SNTB2: variants seen among roughly 807,000 people sequenced by gnomAD.
SNTB2 encodes the protein beta-2-syntrophin.
SNTB2 carries 34 observed loss-of-function variants against 46.2 expected under a neutral mutation model. The ratio of observed to expected loss-of-function variants is 0.74; its 90% CI spans 0.56 to 0.98. The LOEUF (loss-of-function observed/expected upper bound fraction) is 0.98. Among genes scored for constraint, SNTB2 ranks in the 50% least tolerant of loss-of-function variants. The probability of loss-of-function intolerance (pLI) is 0.00; values close to 1 mark genes in which losing one functional copy is unlikely to be tolerated. For synonymous variants in SNTB2, 290 were observed against 312.6 expected, an observed-to-expected ratio of 0.93 and a Z score of 0.76; for missense variants, 603 against 731.4, an observed-to-expected ratio of 0.82 and a Z score of 2.02.
chr16:69,308,889 A>T lies in SNTB2; in HGVS notation c.*7965A>T, dbSNP rs901722794. 6.6e-6 allele frequency: 1 copy of T among 152,506 alleles called. No homozygotes were observed. Among genetic ancestry groups the T allele is most frequent in the Non-Finnish European group, 1.5e-5 (1 of 68,026 alleles). The allele number at this position is 152,506 out of a possible 1,614,324, so 9.4% of individuals were successfully genotyped here. ...CCTAATTTTAAAAAGCTTTATGTATACTCTATAAATATAGATGCATAAACA... is the reference window on the plus strand; with the variant it reads ...CCTAATTTTAAAAAGCTTTATGTATTCTCTATAAATATAGATGCATAAACA... On this transcript the variant is annotated 3_prime_UTR_variant, in exon 7 of 7. Transcript: ENST00000336278.
chr16:69,209,444 G>A (rs1328956231), intron 1 of SNTB2, among the ~76,000 whole-genome samples: 2 of 152,054 alleles, frequency 1.3e-5, no homozygotes, highest in Non-Finnish European at 2.9e-5. Flanking sequence ...TTATATCATT[G>A]CTTCTCTCTG....
intron 4 of SNTB2, among the ~76,000 whole-genome samples, chr16:69,280,529 CGGGCGGGGGGCTCACA>C (rs1965030675): frequency 1.5e-5 from 2 of 137,598 alleles, no homozygotes; most frequent in African/African-American, 6.7e-5. Flanking sequence ...GGCGGCTGGC[CGGGCGGGGGGCTCACA>C]CCCCCACCTC....
chr16:69,283,812 G>A (rs1203527712), intron 4 of SNTB2, among the ~76,000 whole-genome samples: 2 of 152,088 alleles, frequency 1.3e-5, no homozygotes, highest in Non-Finnish European at 2.9e-5. Context: ...GAGGCAGGAG[G>A]ATTATTTGAG....
intron 5 of SNTB2, among the ~76,000 whole-genome samples, chr16:69,285,907 C>T (rs1484682262): frequency 6.6e-6 from 1 of 152,194 alleles, no homozygotes; most frequent in Non-Finnish European, 1.5e-5. Context: ...ATTCTCCCAC[C>T]TCAGCCTTCT....
chr16:69,297,153 A>C (rs1028031943), intron 5 of SNTB2, among the ~76,000 whole-genome samples: 2 of 151,478 alleles, frequency 1.3e-5, no homozygotes, highest in Non-Finnish European at 2.9e-5. Flanking sequence ...AAAAAATACA[A>C]AAAATTAGCT....
At chr16:69,279,693 T>G (rs1440037580) in intron 4 of SNTB2, among the ~76,000 whole-genome samples, 1 of 125,374 alleles carries the variant, frequency 8.0e-6, no homozygotes, top group Middle Eastern at 3.7e-3. Context: ...GCCCGGCTAA[T>G]TTTTTGTATT....
At chr16:69,255,587 A>T (rs1320319070) in intron 2 of SNTB2, among the ~76,000 whole-genome samples, 1 of 150,524 alleles carries the variant, frequency 6.6e-6, no homozygotes, top group African/African-American at 2.4e-5. Context: ...AGAAAGAAAA[A>T]TTTTTTGTTG....
intron 1 of SNTB2, chr16:69,240,602 C>T (rs764929328): frequency 1.3e-5 from 2 of 152,166 alleles, no homozygotes; most frequent in Non-Finnish European, 2.9e-5. Context: ...AATCCAGGAA[C>T]AAACTTGCTT....
chr16:69,280,493 G>A (rs1179687143), intron 4 of SNTB2, among the ~76,000 whole-genome samples: 6 of 147,728 alleles, frequency 4.1e-5, no homozygotes, highest in African/African-American at 1.3e-4. Context: ...GCGGGGGGCT[G>A]ACCCCCCCAC....
At chr16:69,246,179 A>G (rs1016729600) in intron 2 of SNTB2, among the ~76,000 whole-genome samples, 3 of 152,206 alleles carry the variant, frequency 2.0e-5, no homozygotes, top group African/African-American at 7.2e-5. Flanking sequence ...TCCATTCAGT[A>G]TGATATTGGC....
At chr16:69,235,894 T>C (rs760887170) in intron 1 of SNTB2, 1 of 1,268,726 alleles carries the variant, frequency 7.9e-7, no homozygotes, top group African/African-American at 1.5e-5. Flanking sequence ...GTGGATGCAG[T>C]CCCATTAGAT....
intron 5 of SNTB2, among the ~76,000 whole-genome samples, chr16:69,296,521 G>A (rs12708894): frequency 0.2 from 30,070 of 151,502 alleles, 3,374 homozygotes; most frequent in African/African-American, 0.29. Flanking sequence ...AGGAGTTTGA[G>A]ACCAGCCTGG....
At chr16:69,278,933 TTAA>T (rs1392575182) in intron 4 of SNTB2, among the ~76,000 whole-genome samples, 1 of 148,630 alleles carries the variant, frequency 6.7e-6, no homozygotes, top group Non-Finnish European at 1.5e-5. Context: ...TGTGTGTGTG[TTAA>T]TAAACTCATA....
At chr16:69,289,955 A>C (rs544303146) in intron 5 of SNTB2, among the ~76,000 whole-genome samples, 52 of 152,160 alleles carry the variant, frequency 3.4e-4, no homozygotes, top group Admixed American at 2.1e-3. Flanking sequence ...GAGATTCAGA[A>C]CTGTCTGTTA....
At chr16:69,210,717 G>C (rs1964274914) in intron 1 of SNTB2, among the ~76,000 whole-genome samples, 1 of 152,098 alleles carries the variant, frequency 6.6e-6, no homozygotes, top group Non-Finnish European at 1.5e-5. Context: ...TGTAGGCCGG[G>C]TACAGCGGGT....
At chr16:69,292,103 G>A (rs1422402649) in intron 5 of SNTB2, among the ~76,000 whole-genome samples, 1 of 150,696 alleles carries the variant, frequency 6.6e-6, no homozygotes, top group Non-Finnish European at 1.5e-5. Flanking sequence ...CCTGTGTGGT[G>A]GCAGGCACCT....
chr16:69,246,751 T>G (rs1964673452), intron 2 of SNTB2, among the ~76,000 whole-genome samples: 1 of 148,628 alleles, frequency 6.7e-6, no homozygotes, highest in African/African-American at 2.5e-5. Flanking sequence ...CTGTTATTGG[T>G]CTATTCAGAG....
chr16:69,295,379 A>G (rs1339982759), intron 5 of SNTB2, among the ~76,000 whole-genome samples: 1 of 151,492 alleles, frequency 6.6e-6, no homozygotes, highest in Non-Finnish European at 1.5e-5. Context: ...CCTCCCGAGT[A>G]GCTGGGACTA....
In SNTB2 at chr16:69,296,616, G is replaced by C. The variant is rs539130162; in HGVS notation, c.1346-2974G>C. 1.3e-4 allele frequency among the ~76,000 whole-genome samples: 20 copies of C among 151,922 alleles called. No individual in the cohort carries two copies. The East Asian group carries it at 3.1e-3, about 24-fold the overall frequency. On this transcript the variant is annotated intron_variant, in intron 5 of 6. Coordinates refer to ENST00000336278, the MANE Select transcript of SNTB2 (RefSeq NM_006750.4). ...ACATGCCTGTAATCCCAGCTACTCGGGAGGCTGAGGCAGGAGAATTGCTTG... is the reference window on the plus strand; with the variant it reads ...ACATGCCTGTAATCCCAGCTACTCGCGAGGCTGAGGCAGGAGAATTGCTTG...
Sources: allele counts gnomAD v4.1 joint callset (sites outside exome capture counted in the v4.1 genomes callset), GRCh38; gene constraint gnomAD v4.1.1; transcripts MANE v1.5; gene names NCBI Gene and HGNC (gene_info 2026-07-23, HGNC 2026-07-21).